Variants in ABTB3 observed in about 807,000 individuals in gnomAD.
ABTB3 encodes the protein ankyrin repeat and BTB domain containing 3.
chr12:107,557,628 C>T, the ABTB3 span, among the ~76,000 whole-genome samples: 1 of 152,146 alleles, frequency 6.6e-6, no homozygotes, highest in Admixed American at 6.5e-5. Context: ...CAGCTATAAG[C>T]ACAATAATAG....
the ABTB3 span, among the ~76,000 whole-genome samples, chr12:107,634,216 C>T: frequency 3.9e-5 from 6 of 152,230 alleles, no homozygotes; most frequent in Admixed American, 6.5e-5. Flanking sequence ...GATTTAAGAA[C>T]AGCTTGAACC....
At chr12:107,391,989 G>T in the ABTB3 span, among the ~76,000 whole-genome samples, 3 of 152,220 alleles carry the variant, frequency 2.0e-5, no homozygotes, top group African/African-American at 7.2e-5. Flanking sequence ...GGGTTCTGCT[G>T]CTTGTTAGCT....
chr12:107,322,869 G>A, the ABTB3 span, among the ~76,000 whole-genome samples: 1 of 152,154 alleles, frequency 6.6e-6, no homozygotes, highest in South Asian at 2.1e-4. Flanking sequence ...CATCCCACCT[G>A]CCCTTTATTA....
chr12:107,495,923 T>G, the ABTB3 span, among the ~76,000 whole-genome samples: 3 of 152,210 alleles, frequency 2.0e-5, no homozygotes, highest in Non-Finnish European at 4.4e-5. Context: ...GAATGGCACA[T>G]AGTAAGTACT....
the ABTB3 span, among the ~76,000 whole-genome samples, chr12:107,389,079 A>G: frequency 6.6e-6 from 1 of 152,102 alleles, no homozygotes; most frequent in Admixed American, 6.6e-5. Flanking sequence ...GGTGAGTGTT[A>G]ACCTGTGGTA....
the ABTB3 span, among the ~76,000 whole-genome samples, chr12:107,406,836 C>T: frequency 6.6e-6 from 1 of 152,278 alleles, no homozygotes; most frequent in South Asian, 2.1e-4. Flanking sequence ...TCTTACCATC[C>T]TTATCCCTGG....
chr12:107,338,277 AC>A, the ABTB3 span, among the ~76,000 whole-genome samples: 4 of 152,140 alleles, frequency 2.6e-5, no homozygotes, highest in Non-Finnish European at 5.9e-5. Context: ...GTAATTTCGA[AC>A]CCCACAACGC....
chr12:107,441,774 C>CAAAAAAAAAAAAAAAAAAAAAAA, the ABTB3 span, among the ~76,000 whole-genome samples: 5 of 80,046 alleles, frequency 6.2e-5, 1 homozygote, highest in African/African-American at 2.8e-4. Context: ...CTTGTCTCTA[C>CAAAAAAAAAAAAAAAAAAAAAAA]AAAAAAAAAA....
At chr12:107,631,624 C>T in the ABTB3 span, among the ~76,000 whole-genome samples, 2 of 152,170 alleles carry the variant, frequency 1.3e-5, no homozygotes, top group African/African-American at 4.8e-5. Context: ...AGGCTCCTCT[C>T]GATAGAGGCA....
chr12:107,514,832 TC>T, the ABTB3 span, among the ~76,000 whole-genome samples: 1 of 152,176 alleles, frequency 6.6e-6, no homozygotes, highest in South Asian at 2.1e-4. Flanking sequence ...TATTTAAATT[TC>T]ATAATCCTCT....
the ABTB3 span, among the ~76,000 whole-genome samples, chr12:107,622,504 C>A: frequency 1.3e-5 from 2 of 151,744 alleles, no homozygotes; most frequent in Non-Finnish European, 2.9e-5. Context: ...TTTTTTAAAA[C>A]AAGGTCTCGC....
the ABTB3 span, among the ~76,000 whole-genome samples, chr12:107,398,336 C>G: frequency 6.6e-6 from 1 of 152,360 alleles, no homozygotes; most frequent in African/African-American, 2.4e-5. Flanking sequence ...AGCAATTTAA[C>G]CATGGCCGTG....
chr12:107,455,258 G>A, the ABTB3 span, among the ~76,000 whole-genome samples: 5 of 152,198 alleles, frequency 3.3e-5, no homozygotes, highest in African/African-American at 1.2e-4. Flanking sequence ...TTAACTGTAT[G>A]ATCTTAGGCA....
chr12:107,538,660 G>C, the ABTB3 span, among the ~76,000 whole-genome samples: 2 of 152,136 alleles, frequency 1.3e-5, no homozygotes, highest in African/African-American at 4.8e-5. Context: ...GGCTCTTCCT[G>C]CTTGGTGATT....
the ABTB3 span, among the ~76,000 whole-genome samples, chr12:107,404,576 C>T: frequency 6.6e-6 from 1 of 152,194 alleles, no homozygotes; most frequent in Non-Finnish European, 1.5e-5. Flanking sequence ...ATGTAGCACC[C>T]CAAAAGATGG....
At chr12:107,487,059 T>C in the ABTB3 span, among the ~76,000 whole-genome samples, 8 of 152,188 alleles carry the variant, frequency 5.3e-5, no homozygotes, top group Admixed American at 4.6e-4. Flanking sequence ...TATTCTATTG[T>C]GTTCTAAGAG....
chr12:107,522,914 T>C, the ABTB3 span, among the ~76,000 whole-genome samples: 1 of 152,158 alleles, frequency 6.6e-6, no homozygotes, highest in Admixed American at 6.5e-5. Context: ...TAATTTACCA[T>C]GCTTACATAC....
At chr12:107,353,750 C>T in the ABTB3 span, among the ~76,000 whole-genome samples, 5 of 152,090 alleles carry the variant, frequency 3.3e-5, no homozygotes, top group African/African-American at 4.8e-5. Flanking sequence ...ATCGGATCAG[C>T]GGCAACATTG....
the ABTB3 span, among the ~76,000 whole-genome samples, chr12:107,566,871 G>C: frequency 6.6e-6 from 1 of 152,176 alleles, no homozygotes; most frequent in Non-Finnish European, 1.5e-5. Flanking sequence ...CCAACACTTT[G>C]TGGGGCCAAG....
Sources: allele counts gnomAD v4.1 joint callset (sites outside exome capture counted in the v4.1 genomes callset), GRCh38; gene constraint gnomAD v4.1.1; transcripts MANE v1.5; gene names NCBI Gene and HGNC (gene_info 2026-07-23, HGNC 2026-07-21).